The following PDE3A variants were observed in gnomAD, a reference collection of about 807,000 sequenced individuals.
The protein encoded by PDE3A is phosphodiesterase 3A, also known as cGMP-inhibited 3',5'-cyclic phosphodiesterase 3A.
A neutral mutation model predicts 98.3 loss-of-function variants in PDE3A; 43 were observed. The observed-to-expected ratio is 0.44, with a 90% CI of 0.34 to 0.56. The LOEUF (loss-of-function observed/expected upper bound fraction) is 0.56. PDE3A is among the 20% of genes least tolerant of loss of function. The probability of loss-of-function intolerance (pLI) is 0.01; values close to 1 mark genes in which losing one functional copy is unlikely to be tolerated. For missense variants in PDE3A, 1,427 were observed against 1,440.7 expected (o/e 0.99, Z 0.15); for synonymous variants, 663 against 567.9 (o/e 1.17, Z -2.38).
chr12:20,479,734 C>T (rs776333732), intron 1 of PDE3A, among the ~76,000 whole-genome samples: 17 of 152,190 alleles, frequency 1.1e-4, no homozygotes, highest in Non-Finnish European at 1.8e-4. Context: ...GGGCAAGAGG[C>T]TTCTGCAGCT....
intron 15 of PDE3A, among the ~76,000 whole-genome samples, chr12:20,664,656 G>T (rs1450948423): frequency 6.6e-6 from 1 of 152,038 alleles, no homozygotes; most frequent in Non-Finnish European, 1.5e-5. Context: ...ATTTTATAAG[G>T]GGTTTCCTCT....
chr12:20,608,719 T>TA (rs1222608823), intron 2 of PDE3A, among the ~76,000 whole-genome samples: 1 of 152,138 alleles, frequency 6.6e-6, no homozygotes, highest in Non-Finnish European at 1.5e-5. Context: ...TTGATAATTA[T>TA]AAAAAAACTT....
At chr12:20,389,929 T>C (rs1303174084) in intron 1 of PDE3A, among the ~76,000 whole-genome samples, 1 of 151,606 alleles carries the variant, frequency 6.6e-6, no homozygotes, top group Non-Finnish European at 1.5e-5. Context: ...ATATAAAGAA[T>C]GTATCTAAAA....
chr12:20,608,833 C>T (rs1038919249), intron 2 of PDE3A, among the ~76,000 whole-genome samples: 2 of 151,902 alleles, frequency 1.3e-5, no homozygotes, highest in Non-Finnish European at 2.9e-5. Flanking sequence ...TTTAAGAGAA[C>T]TTTGTAGTTA....
chr12:20,469,207 C>T (rs1220916586), intron 1 of PDE3A, among the ~76,000 whole-genome samples: 1 of 152,160 alleles, frequency 6.6e-6, no homozygotes, highest in East Asian at 1.9e-4. Context: ...TACCTCTGAG[C>T]CATTCTTTAA....
Position 20,682,198 on chromosome 12 carries a change from A to G in PDE3A, c.*1927A>G, listed in dbSNP as rs1945805475. ...ACTGTTAACCAATACCATATTTTAT[A>G]GTTGGTGTCCATTTCTTTCCAACAC... On this transcript the variant is annotated 3_prime_UTR_variant, in exon 16 of 16. Transcript: ENST00000359062. The G allele has an allele frequency of 1.3e-5, 2 of 152,302 alleles. No individual in the cohort carries two copies. Among genetic ancestry groups the G allele is most frequent in the South Asian group, 4.1e-4 (2 of 4,826 alleles). 9.4% of individuals were successfully genotyped at this position (152,302 alleles called of 1,614,324 possible). A position where few individuals can be genotyped will look rare whatever the true frequency, so the allele number is the denominator to read the frequency against.
chr12:20,526,918 G>A (rs902634113), intron 1 of PDE3A, among the ~76,000 whole-genome samples: 2 of 150,688 alleles, frequency 1.3e-5, no homozygotes, highest in African/African-American at 4.9e-5. Flanking sequence ...GTGTGTGTGT[G>A]TGTGTGTGTG....
Position 20,481,909 on chromosome 12 carries a change from C to T in PDE3A, c.961-74751C>T, listed in dbSNP as rs181109853. On this transcript the variant is annotated intron_variant, in intron 1 of 15. Transcript: ENST00000359062. Reference sequence around the variant, plus strand: ...CCTCCCGAGTAGCTGGGACTACAGGCGCCCGCCACCACGCCCAGCTAATTT... The same window carrying T: ...CCTCCCGAGTAGCTGGGACTACAGGTGCCCGCCACCACGCCCAGCTAATTT... Among the ~76,000 whole-genome samples the T allele has an allele frequency of 2.0e-4, 31 of 151,362 alleles. 1 individual carries two copies. The highest frequency in any genetic ancestry group is 6.8e-4 in the African/African-American group (28 of 41,130).
chr12:20,636,250 T>G (rs765428907), intron 8 of PDE3A, among the ~76,000 whole-genome samples: 17 of 152,216 alleles, frequency 1.1e-4, no homozygotes, highest in Non-Finnish European at 2.2e-4. Flanking sequence ...GAAGCATATA[T>G]TTGAGTCAGC....
chr12:20,628,137 TGA>T (rs1417541759), intron 5 of PDE3A, among the ~76,000 whole-genome samples: 2 of 152,212 alleles, frequency 1.3e-5, no homozygotes, highest in Admixed American at 1.3e-4. Context: ...TATTAAAAAT[TGA>T]GTTTTTTCTA....
chr12:20,440,432 A>T (rs1944851108), intron 1 of PDE3A, among the ~76,000 whole-genome samples: 1 of 152,148 alleles, frequency 6.6e-6, no homozygotes, highest in South Asian at 2.1e-4. Context: ...TTATTCTCCA[A>T]GTCCCTTTTA....
At chr12:20,522,358 A>C (rs1258962465) in intron 1 of PDE3A, among the ~76,000 whole-genome samples, 1 of 152,178 alleles carries the variant, frequency 6.6e-6, no homozygotes, top group African/African-American at 2.4e-5. Context: ...GCCTAGACCT[A>C]TTGAATCTGA....
At chr12:20,484,862 T>G (rs531060462) in intron 1 of PDE3A, among the ~76,000 whole-genome samples, 1 of 152,244 alleles carries the variant, frequency 6.6e-6, no homozygotes, top group Admixed American at 6.5e-5. Context: ...CTTCAAAGAT[T>G]TATTTATTTA....
intron 15 of PDE3A, among the ~76,000 whole-genome samples, chr12:20,669,220 T>C (rs2120404397): frequency 6.6e-6 from 1 of 151,880 alleles, no homozygotes; most frequent in African/African-American, 2.4e-5. Flanking sequence ...AATCTACGTC[T>C]GATTGGTGTA....
intron 1 of PDE3A, among the ~76,000 whole-genome samples, chr12:20,502,521 T>A (rs189998933): frequency 6.6e-6 from 1 of 152,270 alleles, no homozygotes; most frequent in African/African-American, 2.4e-5. Flanking sequence ...TTGTCTGTAG[T>A]CTGTCTTCCT....
intron 5 of PDE3A, among the ~76,000 whole-genome samples, chr12:20,625,958 A>T (rs1944252106): frequency 6.6e-6 from 1 of 152,210 alleles, no homozygotes; most frequent in East Asian, 1.9e-4. Context: ...TTACTCAAAT[A>T]TGAAGTGAAG....
chr12:20,381,699 A>T (rs902491946), intron 1 of PDE3A, among the ~76,000 whole-genome samples: 1 of 151,902 alleles, frequency 6.6e-6, no homozygotes, highest in African/African-American at 2.4e-5. Context: ...TCACTTATAC[A>T]TGTATGCTAA....
At chr12:20,505,442 GCT>G (rs1385289592) in intron 1 of PDE3A, among the ~76,000 whole-genome samples, 6 of 134,880 alleles carry the variant, frequency 4.4e-5, no homozygotes, top group African/African-American at 1.4e-4. Flanking sequence ...AAAGTGTAGA[GCT>G]CTCTTTCCAT....
chr12:20,650,643 G>T (rs770609020), intron 14 of PDE3A, 43 bp downstream of exon 14: 2 of 1,321,278 alleles, frequency 1.5e-6, no homozygotes, highest in Non-Finnish European at 2.1e-6. Flanking sequence ...GTACTTACAG[G>T]TTGCTCATGA....
Sources: gnomAD v4.1 joint callset for allele counts (sites outside exome capture counted in the v4.1 genomes callset) on GRCh38, gnomAD v4.1.1 for gene constraint, MANE v1.5 for transcripts, NCBI Gene and HGNC (gene_info 2026-07-23, HGNC 2026-07-21) for gene names.